TBXAS1: variants seen among roughly 807,000 people sequenced by gnomAD.
TBXAS1 encodes thromboxane A synthase 1.
A neutral mutation model predicts 60.7 loss-of-function variants in TBXAS1; 48 were observed. The ratio of observed to expected loss-of-function variants is 0.79; its 90% CI spans 0.63 to 1.01. TBXAS1 has a LOEUF of 1.01. TBXAS1 is among the 50% of genes least tolerant of loss of function. The pLI is 0.00. For synonymous variants in TBXAS1, 287 were observed against 269.7 expected, an observed-to-expected ratio of 1.06 and a Z score of -0.63; for missense variants, 685 against 686.3, an observed-to-expected ratio of 1.00 and a Z score of 0.02.
At chr7:139,914,656 C>G (rs1307749946) in intron 4 of TBXAS1, among the ~76,000 whole-genome samples, 2 of 152,198 alleles carry the variant, frequency 1.3e-5, no homozygotes, top group Non-Finnish European at 2.9e-5. Context: ...TCCTCAGATA[C>G]TGCCTCCTCC....
chr7:139,792,896 G>A (rs575308127), intron 4 of TBXAS1, among the ~76,000 whole-genome samples: 1 of 152,312 alleles, frequency 6.6e-6, no homozygotes, highest in South Asian at 2.1e-4. Context: ...AACAAAGCAA[G>A]ATGGTAAAGG....
chr7:140,017,903 G>C (rs1815224495), intron 12 of TBXAS1, 70 bp downstream of exon 12: 1 of 1,608,362 alleles, frequency 6.2e-7, no homozygotes, highest in African/African-American at 1.3e-5. Context: ...CTCTGCGTGA[G>C]AGCAGGCCAG....
intron 1 of TBXAS1, among the ~76,000 whole-genome samples, chr7:139,866,503 T>C (rs1801427050): frequency 6.6e-6 from 1 of 151,090 alleles, no homozygotes; most frequent in South Asian, 2.1e-4. Flanking sequence ...CCTGTAATCA[T>C]GGCACTTTGG....
In TBXAS1 at chr7:139,975,634, C is replaced by T. The variant is rs1811508309; in HGVS notation, c.1134+13401C>T. ...GCAGCCCTGTCCTCGCCACAGTGCCCGCATCTTCATTGGTTCACCTTTGCA... is the reference window on the plus strand; with the variant it reads ...GCAGCCCTGTCCTCGCCACAGTGCCTGCATCTTCATTGGTTCACCTTTGCA... On this transcript the variant is annotated intron_variant, in intron 9 of 12. Coordinates refer to ENST00000448866, the MANE Select transcript of TBXAS1 (RefSeq NM_001061.7). This position sits in a 1 kb window ranked among gnomAD's most constrained non-coding sequence, Gnocchi z 4.4. Among the ~76,000 whole-genome samples, 1 of 152,112 alleles carries T rather than the reference C, an allele frequency of 6.6e-6. No individual in the cohort carries two copies. Among genetic ancestry groups the T allele is most frequent in the Admixed American group, 6.5e-5 (1 of 15,278 alleles).
chr7:140,000,105 A>G (rs1027759930), intron 9 of TBXAS1, among the ~76,000 whole-genome samples: 2 of 152,216 alleles, frequency 1.3e-5, no homozygotes, highest in East Asian at 1.9e-4. Flanking sequence ...GATTAATAGG[A>G]GAGGGCAGTA....
At chr7:139,841,223 C>T (rs1271493906) in intron 1 of TBXAS1, among the ~76,000 whole-genome samples, 1 of 152,202 alleles carries the variant, frequency 6.6e-6, no homozygotes, top group Non-Finnish European at 1.5e-5. Context: ...GGATCGCCAG[C>T]CAGTCAGACT....
chr7:139,875,469 C>CTT (rs1802156886), intron 2 of TBXAS1, 116 bp from the exon 3 acceptor site: 1 of 886,246 alleles, frequency 1.1e-6, no homozygotes, highest in African/African-American at 1.7e-5. Flanking sequence ...AACTTCCATT[C>CTT]TTTTTTATTG....
chr7:139,821,416 G>A (rs555270416), intron 4 of TBXAS1, among the ~76,000 whole-genome samples: 2 of 152,328 alleles, frequency 1.3e-5, no homozygotes, highest in Non-Finnish European at 2.9e-5. Flanking sequence ...AAAGCCAAGT[G>A]AGTGGATGAG....
chr7:140,010,648 T>C (rs1423815971), intron 10 of TBXAS1, among the ~76,000 whole-genome samples: 6 of 152,210 alleles, frequency 3.9e-5, no homozygotes, highest in Non-Finnish European at 1.5e-5. Context: ...GTTTCAGTGC[T>C]GGTGTTTGCT....
chr7:140,018,558 C>G (rs1487010211), intron 12 of TBXAS1, among the ~76,000 whole-genome samples: 1 of 152,054 alleles, frequency 6.6e-6, no homozygotes, highest in Non-Finnish European at 1.5e-5. Flanking sequence ...AGCCCTATCT[C>G]CCCCCCACAT....
chr7:139,918,719 C>T (rs1403683404), intron 4 of TBXAS1, among the ~76,000 whole-genome samples: 1 of 152,168 alleles, frequency 6.6e-6, no homozygotes, highest in Non-Finnish European at 1.5e-5. Flanking sequence ...CCCTTTCCAG[C>T]AGCTGAAGCT....
At chr7:139,949,318 A>G (rs1809009152) in intron 5 of TBXAS1, among the ~76,000 whole-genome samples, 1 of 152,228 alleles carries the variant, frequency 6.6e-6, no homozygotes. Context: ...AACAGTACAT[A>G]TATATATGTA....
At chr7:139,838,109 G>C (rs1329090998) in intron 1 of TBXAS1, among the ~76,000 whole-genome samples, 1 of 152,164 alleles carries the variant, frequency 6.6e-6, no homozygotes, top group East Asian at 1.9e-4. Flanking sequence ...CCTCCAGAAA[G>C]CTCCTAGAAC....
chr7:139,906,095 TC>T lies in TBXAS1; in HGVS notation c.237-5127del, dbSNP rs369258217. On this transcript the variant is annotated intron_variant, in intron 3 of 12. Coordinates refer to ENST00000448866, the MANE Select transcript of TBXAS1 (RefSeq NM_001061.7). ...CTTTTTTTTTTTTTCTCACTCTGTC[TC>T]CCAGTCTGTAGTGCAGTGGCTTGAT... 1.9e-4 allele frequency: 76 copies of T among 407,130 alleles called. No individual in the cohort carries two copies. The East Asian group carries it at 3.1e-3, about 16-fold the overall frequency. The allele number at this position is 407,130 out of a possible 1,614,324, so 25.2% of individuals were successfully genotyped here. A position where few individuals can be genotyped will look rare whatever the true frequency, so the allele number is the denominator to read the frequency against.
intron 9 of TBXAS1, 50 bp downstream of exon 9, chr7:139,962,283 G>T: frequency 6.2e-7 from 1 of 1,606,688 alleles, no homozygotes; most frequent in South Asian, 1.1e-5. Context: ...TAGGACAATT[G>T]ATTTTGTGTT....
rs369697462 is a variant in TBXAS1 at position 140,016,253 on chromosome 7, A to G, written c.1364+393A>G. ...TGAGGCAGGAGAATGGCGTGAACCCAGGAGGCGGAGCTTGCAGTGAGCCGA... is the reference window on the plus strand; with the variant it reads ...TGAGGCAGGAGAATGGCGTGAACCCGGGAGGCGGAGCTTGCAGTGAGCCGA... On this transcript the variant is annotated intron_variant, in intron 11 of 12. Coordinates refer to ENST00000448866, the MANE Select transcript of TBXAS1 (RefSeq NM_001061.7). 399 of 333,536 alleles carry G rather than the reference A, an allele frequency of 1.2e-3. 1 individual carries two copies. The highest frequency in any genetic ancestry group is 7.1e-3 in the African/African-American group (329 of 46,280). The allele number at this position is 333,536 out of a possible 1,614,324, so 20.7% of individuals were successfully genotyped here.
chr7:139,944,013 T>A (rs1299037129), intron 5 of TBXAS1, among the ~76,000 whole-genome samples: 2 of 152,090 alleles, frequency 1.3e-5, no homozygotes, highest in Non-Finnish European at 2.9e-5. Flanking sequence ...TCAGATGAAA[T>A]GTTCAATTTA....
At chr7:139,835,215 C>T (rs1425704484) in intron 1 of TBXAS1, among the ~76,000 whole-genome samples, 5 of 151,996 alleles carry the variant, frequency 3.3e-5, no homozygotes, top group South Asian at 2.1e-4. Flanking sequence ...TACAGGTGCC[C>T]GCCACCACGC....
intron 3 of TBXAS1, among the ~76,000 whole-genome samples, chr7:139,784,501 G>T (rs1275931496): frequency 1.3e-5 from 2 of 152,210 alleles, no homozygotes; most frequent in Non-Finnish European, 2.9e-5. Context: ...GGGACAAATG[G>T]CAAGGAGTGT....
Sources: gnomAD v4.1 joint callset for allele counts (sites outside exome capture counted in the v4.1 genomes callset) on GRCh38, gnomAD v4.1.1 for gene constraint, Gnocchi (gnomAD v3.1) non-coding constraint, MANE v1.5 for transcripts, NCBI Gene and HGNC (gene_info 2026-07-23, HGNC 2026-07-21) for gene names.